Variants in ACOT7 observed in about 807,000 individuals in gnomAD.
ACOT7 encodes the protein acyl-CoA thioesterase 7, also known as cytosolic acyl coenzyme A thioester hydrolase.
Under a neutral mutation model 40.2 loss-of-function variants are expected in ACOT7, and 12 were observed. The observed-to-expected ratio is 0.30, with a 90% CI of 0.19 to 0.48. The LOEUF (loss-of-function observed/expected upper bound fraction) is 0.48, where lower values mean the gene tolerates loss of function less well. Among genes scored for constraint, ACOT7 ranks in the 20% least tolerant of loss-of-function variants. The probability of loss-of-function intolerance (pLI) is 0.99; values close to 1 mark genes in which losing one functional copy is unlikely to be tolerated. For synonymous variants in ACOT7, 228 were observed against 219.5 expected (o/e 1.04, Z -0.34); for missense variants, 395 against 530.8 (o/e 0.74, Z 2.51).
At chr1:6,293,914 C>A (rs767957761) in intron 7 of ACOT7, among the ~76,000 whole-genome samples, 1 of 152,146 alleles carries the variant, frequency 6.6e-6, no homozygotes, top group East Asian at 1.9e-4. Context: ...TAGCAGCTGC[C>A]GGAGACAGCA....
rs543197463 is a variant in ACOT7, at chr1:6,329,110, A to T, written c.511-1697T>A. 3.0e-4 allele frequency among the ~76,000 whole-genome samples: 46 copies of T among 152,364 alleles called. No homozygotes were observed. The South Asian group carries it at 7.2e-3, about 24-fold the overall frequency. On this transcript the variant is annotated intron_variant, in intron 4 of 8. Coordinates refer to ENST00000361521, the MANE Select transcript of ACOT7 (RefSeq NM_007274.4). ...AAGCCCCTCTGACCTAAGCAAGTTC[A>T]CTTCAGACGGCTGTGTTAGGCCTTC...
chr1:6,283,413 C>T (rs546616511), intron 7 of ACOT7, among the ~76,000 whole-genome samples: 85 of 152,264 alleles, frequency 5.6e-4, no homozygotes, highest in African/African-American at 1.9e-3. Context: ...CCAACTGCCT[C>T]GGCCTCCCAA....
chr1:6,309,531 T>C (rs1408954097), intron 6 of ACOT7, among the ~76,000 whole-genome samples: 1 of 152,236 alleles, frequency 6.6e-6, no homozygotes. Flanking sequence ...TCAAAGTTTG[T>C]CACTTTTACT....
chr1:6,373,254 A>G (rs1041450145), intron 1 of ACOT7, among the ~76,000 whole-genome samples: 5 of 151,460 alleles, frequency 3.3e-5, no homozygotes, highest in Non-Finnish European at 7.4e-5. Flanking sequence ...GGTTGCCACA[A>G]ACTTTTTTTT....
chr1:6,381,110 G>A (rs1273229883), intron 1 of ACOT7, among the ~76,000 whole-genome samples: 1 of 151,814 alleles, frequency 6.6e-6, no homozygotes, highest in Non-Finnish European at 1.5e-5. Flanking sequence ...ATTATTATGT[G>A]TCAAAAACAA....
At chr1:6,362,999 A>G (rs1641923508) in intron 1 of ACOT7, among the ~76,000 whole-genome samples, 1 of 152,220 alleles carries the variant, frequency 6.6e-6, no homozygotes, top group African/African-American at 2.4e-5. Flanking sequence ...AATAAAATAT[A>G]TAAAACAGTA....
chr1:6,381,562 A>G lies in ACOT7; in HGVS notation c.143+11695T>C, dbSNP rs186405192. Among the ~76,000 whole-genome samples, 14 of 152,052 alleles carry G rather than the reference A, an allele frequency of 9.2e-5. 1 individual carries two copies. In the South Asian group the frequency reaches 1.7e-3, roughly 18 times the overall value. On this transcript the variant is annotated intron_variant, in intron 1 of 8. Coordinates refer to ENST00000361521, the MANE Select transcript of ACOT7 (RefSeq NM_007274.4). ...GTATTGACAAGGATGCCCAGAAACCAGAACCCATGTACACTGTCGGTGGAA... is the reference window on the plus strand; with the variant it reads ...GTATTGACAAGGATGCCCAGAAACCGGAACCCATGTACACTGTCGGTGGAA...
intron 8 of ACOT7, among the ~76,000 whole-genome samples, chr1:6,280,108 G>A (rs1320092543): frequency 2.6e-5 from 4 of 152,222 alleles, no homozygotes; most frequent in African/African-American, 7.2e-5. Context: ...TCGCAGGGCC[G>A]TGGTGCCTGC....
Position 6,282,792 on chromosome 1 carries a change from G to A in ACOT7, c.830-1506C>T, listed in dbSNP as rs762857076. On this transcript the variant is annotated intron_variant, in intron 7 of 8. Transcript: ENST00000361521. This position sits in a 1 kb window ranked among gnomAD's most constrained non-coding sequence, Gnocchi z 4.5. The stretch of plus-strand genomic sequence containing the variant: ...TGTGGTCAGCGCCAGCAGGCATTAC[G>A]TGAGCTGTAAGGTACAGAGTCCCAT... 3.8e-6 allele frequency: 5 copies of A among 1,304,288 alleles called. No individual in the cohort carries two copies. The South Asian group carries it at 4.9e-5, about 13-fold the overall frequency. The allele number at this position is 1,304,288 out of a possible 1,614,324, so 80.8% of individuals were successfully genotyped here.
rs1188581829 is a variant in ACOT7 at position 6,306,431 on chromosome 1, C to T, written c.713-11451G>A. 2 of 985,134 alleles carry T rather than the reference C, an allele frequency of 2.0e-6. No homozygotes were observed. The highest frequency in any genetic ancestry group is 2.4e-6 in the Non-Finnish European group (2 of 829,902). 61.0% of individuals were successfully genotyped at this position (985,134 alleles called of 1,614,324 possible). A position where few individuals can be genotyped will look rare whatever the true frequency, so the allele number is the denominator to read the frequency against. On this transcript the variant is annotated intron_variant, in intron 6 of 8. Coordinates refer to ENST00000361521, the MANE Select transcript of ACOT7 (RefSeq NM_007274.4). The surrounding 1 kb of genome is among the most constrained non-coding windows in gnomAD (Gnocchi z 4.3). ...GATGCTTGGACTGGAGTGATATGAA[C>T]CCCACGCCCAGGCTTTCAGGGTTGA...
intron 8 of ACOT7, among the ~76,000 whole-genome samples, chr1:6,269,466 G>C (rs909697495): frequency 6.6e-6 from 1 of 152,212 alleles, no homozygotes; most frequent in Non-Finnish European, 1.5e-5. Flanking sequence ...CACCCCAGCG[G>C]CCACCAGGCC....
At chr1:6,356,142 CT>C (rs1301750524) in intron 1 of ACOT7, among the ~76,000 whole-genome samples, 1 of 152,128 alleles carries the variant, frequency 6.6e-6, no homozygotes, top group Non-Finnish European at 1.5e-5. Flanking sequence ...GACTGGTGTC[CT>C]TATAGGAACA....
At chr1:6,364,981 C>T (rs1310137803) in intron 1 of ACOT7, among the ~76,000 whole-genome samples, 2 of 151,936 alleles carry the variant, frequency 1.3e-5, no homozygotes, top group Admixed American at 6.6e-5. Flanking sequence ...TGAGATCGCC[C>T]CACTGCACTC....
chr1:6,266,221 A>C (rs2148359075), intron 8 of ACOT7, among the ~76,000 whole-genome samples: 1 of 152,272 alleles, frequency 6.6e-6, no homozygotes, highest in East Asian at 1.9e-4. Flanking sequence ...TTGACCTGAA[A>C]CAGTCCAGGG....
At chr1:6,387,502 CA>C (rs1642459529) in intron 1 of ACOT7, among the ~76,000 whole-genome samples, 1 of 152,156 alleles carries the variant, frequency 6.6e-6, no homozygotes, top group African/African-American at 2.4e-5. Flanking sequence ...CAGACTTCCC[CA>C]GTTATTCCCA....
chr1:6,337,674 C>T (rs1403261048), intron 3 of ACOT7, among the ~76,000 whole-genome samples: 1 of 152,030 alleles, frequency 6.6e-6, no homozygotes, highest in Non-Finnish European at 1.5e-5. Flanking sequence ...GCCTCTCTCC[C>T]CATCATCCCA....
chr1:6,349,692 C>G lies in ACOT7; in HGVS notation c.261+57G>C, dbSNP rs967229927. The stretch of plus-strand genomic sequence containing the variant: ...CCTGGCTCCCCGGGGAACTCCTGTC[C>G]TGAACTCACACTGGTGCGGCCTCCA... On this transcript the variant is annotated intron_variant, in intron 2 of 8. Transcript: ENST00000361521. 4.5e-6 allele frequency: 7 copies of G among 1,540,782 alleles called. No homozygotes were observed. The African/African-American group carries it at 8.2e-5, about 18-fold the overall frequency.
At chr1:6,357,764 G>A (rs541254588) in intron 1 of ACOT7, among the ~76,000 whole-genome samples, 22 of 152,308 alleles carry the variant, frequency 1.4e-4, no homozygotes, top group African/African-American at 4.1e-4. Context: ...AAACAGGCAC[G>A]TGGATGGGTG....
intron 7 of ACOT7, among the ~76,000 whole-genome samples, chr1:6,287,843 C>T (rs1376834583): frequency 1.3e-5 from 2 of 152,176 alleles, no homozygotes; most frequent in East Asian, 1.9e-4. Context: ...TGTTAACTTT[C>T]GTAAGAAAAG....
Sources: allele counts gnomAD v4.1 joint callset (sites outside exome capture counted in the v4.1 genomes callset), GRCh38; gene constraint gnomAD v4.1.1; non-coding constraint Gnocchi (gnomAD v3.1); transcripts MANE v1.5; gene names NCBI Gene and HGNC (gene_info 2026-07-23, HGNC 2026-07-21).